GADL1: variants seen among roughly 807,000 people sequenced by gnomAD.
The protein encoded by GADL1 is GAD like acidic amino acid decarboxylase 1, also known as acidic amino acid decarboxylase GADL1.
In GADL1, 71 loss-of-function variants were observed where a neutral mutation model predicts 69.5. That is an observed-to-expected ratio of 1.02 (90% CI 0.84 to 1.25). The LOEUF is 1.25. GADL1 is among the 50% of genes most tolerant of loss of function. The pLI is 0.00. For missense variants in GADL1, 737 were observed against 631.8 expected (o/e 1.17, Z -1.79); for synonymous variants, 254 against 214.4 (o/e 1.18, Z -1.62).
chr3:30,829,713 TTAAA>T (rs1697752929), intron 11 of GADL1, among the ~76,000 whole-genome samples: 1 of 151,940 alleles, frequency 6.6e-6, no homozygotes, highest in Non-Finnish European at 1.5e-5. Context: ...CATTCAGTTT[TTAAA>T]TAGATATTAG....
intron 12 of GADL1, among the ~76,000 whole-genome samples, chr3:30,789,043 G>T (rs921813427): frequency 1.3e-5 from 2 of 152,100 alleles, no homozygotes; most frequent in African/African-American, 4.8e-5. Context: ...TGTTTTCAGT[G>T]GTGTATAAAA....
intron 11 of GADL1, 100 bp downstream of exon 11, chr3:30,833,753 C>A: frequency 1.3e-6 from 1 of 761,418 alleles, no homozygotes; most frequent in South Asian, 1.5e-5. Flanking sequence ...TCAATTTACG[C>A]CTCGCCCAAG....
At chr3:30,844,585 C>A (rs1698024825) in intron 6 of GADL1, 119 bp from the exon 7 acceptor site, 1 of 716,984 alleles carries the variant, frequency 1.4e-6, no homozygotes, top group Non-Finnish European at 2.5e-6. Flanking sequence ...GACATTATTG[C>A]ATAAAAAAGT....
chr3:30,862,957 A>T (rs1456100692), intron 1 of GADL1, among the ~76,000 whole-genome samples: 1 of 151,614 alleles, frequency 6.6e-6, no homozygotes, highest in African/African-American at 2.4e-5. Flanking sequence ...AACCTATTTT[A>T]CTCATTCTTG....
chr3:30,761,825 C>T (rs776122902), intron 14 of GADL1, among the ~76,000 whole-genome samples: 1 of 152,136 alleles, frequency 6.6e-6, no homozygotes, highest in Non-Finnish European at 1.5e-5. Flanking sequence ...TAGATTCAAA[C>T]CTATGGTCAA....
chr3:30,861,906 G>T, intron 1 of GADL1, 141 bp from the exon 2 acceptor site: 1 of 596,548 alleles, frequency 1.7e-6, no homozygotes. Context: ...GTGTTGAGCT[G>T]ACAATTTCTT....
At position 30,728,126 on chromosome 3, in the gene GADL1, G is replaced by A; in HGVS notation, c.*116C>T. On this transcript the variant is annotated 3_prime_UTR_variant, in exon 15 of 15. Transcript: ENST00000282538. ...ATTTTGGTTTTGCTGGGCCTGGACT[G>A]GGAGTATTCCCTATTTCTCATCAGA... 1.1e-6 allele frequency: 1 copy of A among 890,592 alleles called. No individual in the cohort carries two copies. The highest frequency in any genetic ancestry group is 1.7e-5 in the South Asian group (1 of 59,530). 55.2% of individuals were successfully genotyped at this position (890,592 alleles called of 1,614,324 possible).
chr3:30,883,065 G>A (rs1159157871), intron 1 of GADL1, among the ~76,000 whole-genome samples: 1 of 151,908 alleles, frequency 6.6e-6, no homozygotes, highest in Non-Finnish European at 1.5e-5. Context: ...ATTATCCGAC[G>A]TATTATTTGA....
chr3:30,821,520 C>A (rs1697580183), intron 11 of GADL1, among the ~76,000 whole-genome samples: 1 of 140,282 alleles, frequency 7.1e-6, no homozygotes, highest in African/African-American at 3.0e-5. Flanking sequence ...TACTTTTGTA[C>A]ATATTTGAAA....
intron 1 of GADL1, among the ~76,000 whole-genome samples, chr3:30,890,937 C>A (rs1426876261): frequency 6.6e-6 from 1 of 152,170 alleles, no homozygotes; most frequent in African/African-American, 2.4e-5. Context: ...TTTATCCCTA[C>A]CTTACAAATT....
Position 30,844,370 on chromosome 3 carries a change from G to A in GADL1, c.731+17C>T. ...TTTCCCTCCACCCACCAGGCTTCCAGATCCTGTTCCCATTACCTTCCATCT... is the reference window on the plus strand; with the variant it reads ...TTTCCCTCCACCCACCAGGCTTCCAAATCCTGTTCCCATTACCTTCCATCT... On this transcript the variant is annotated intron_variant, in intron 7 of 14. Coordinates refer to ENST00000282538, the MANE Select transcript of GADL1 (RefSeq NM_207359.3). 6.2e-7 allele frequency: 1 copy of A among 1,603,042 alleles called. No individual in the cohort carries two copies. Among genetic ancestry groups the A allele is most frequent in the African/African-American group, 1.3e-5 (1 of 74,858 alleles).
At chr3:30,776,934 CCTGA>C (rs1453286038) in intron 14 of GADL1, among the ~76,000 whole-genome samples, 2 of 152,178 alleles carry the variant, frequency 1.3e-5, no homozygotes, top group African/African-American at 4.8e-5. Context: ...AAAATTGTCC[CCTGA>C]CTGACATCTG....
intron 11 of GADL1, among the ~76,000 whole-genome samples, chr3:30,827,922 A>G (rs184888834): frequency 1.3e-5 from 2 of 151,978 alleles, no homozygotes; most frequent in South Asian, 2.1e-4. Context: ...TTTTCTAATC[A>G]GTTTTAAACA....
intron 2 of GADL1, among the ~76,000 whole-genome samples, chr3:30,858,457 T>A (rs1335074165): frequency 6.6e-6 from 1 of 152,000 alleles, no homozygotes; most frequent in Admixed American, 6.6e-5. Context: ...ATGATCTGGA[T>A]GACAGTCAAT....
rs1048519282 is a variant in GADL1 at position 30,869,687 on chromosome 3, C to T, written c.38-7922G>A. 2.6e-5 allele frequency among the ~76,000 whole-genome samples: 4 copies of T among 151,598 alleles called. 1 individual carries two copies. Among genetic ancestry groups the T allele is most frequent in the Admixed American group, 1.3e-4 (2 of 15,188 alleles). ...ATTTTAATCATTTCTTTAGTCTCAT[C>T]TTGGGGTCAAATTCTCCTTAGCTGA... On this transcript the variant is annotated intron_variant, in intron 1 of 14. Coordinates refer to ENST00000282538, the MANE Select transcript of GADL1 (RefSeq NM_207359.3).
At chr3:30,743,413 C>T (rs934069738) in intron 14 of GADL1, among the ~76,000 whole-genome samples, 4 of 152,154 alleles carry the variant, frequency 2.6e-5, no homozygotes, top group African/African-American at 9.7e-5. Flanking sequence ...CTCAGAATAG[C>T]GCATAACAAT....
intron 14 of GADL1, among the ~76,000 whole-genome samples, chr3:30,729,970 T>C (rs1250524139): frequency 2.0e-5 from 3 of 152,030 alleles, no homozygotes; most frequent in East Asian, 1.9e-4. Context: ...AAAGAAAAAA[T>C]GTAGAAAAGG....
intron 1 of GADL1, among the ~76,000 whole-genome samples, chr3:30,880,964 G>A (rs1698633562): frequency 6.6e-6 from 1 of 152,012 alleles, no homozygotes; most frequent in Non-Finnish European, 1.5e-5. Context: ...ACTCTTACTG[G>A]TGTTGCTTAT....
intron 14 of GADL1, among the ~76,000 whole-genome samples, chr3:30,751,500 G>A (rs1695816828): frequency 6.6e-6 from 1 of 150,432 alleles, no homozygotes; most frequent in South Asian, 2.1e-4. Context: ...TAGAACCTGG[G>A]CAACTAGATC....
Sources: gnomAD v4.1 joint callset for allele counts (sites outside exome capture counted in the v4.1 genomes callset) on GRCh38, gnomAD v4.1.1 for gene constraint, MANE v1.5 for transcripts, NCBI Gene and HGNC (gene_info 2026-07-23, HGNC 2026-07-21) for gene names.